Variants in LRP1B observed in about 807,000 individuals in gnomAD.
The protein encoded by LRP1B is low-density lipoprotein receptor-related protein 1B.
A neutral mutation model predicts 556.6 loss-of-function variants in LRP1B; 217 were observed. The ratio of observed to expected loss-of-function variants is 0.39; its 90% CI spans 0.35 to 0.44. The LOEUF (loss-of-function observed/expected upper bound fraction) is 0.44, where lower values mean the gene tolerates loss of function less well. LRP1B is among the 20% of genes least tolerant of loss of function. The probability of loss-of-function intolerance (pLI) is 1.00; values close to 1 mark genes in which losing one functional copy is unlikely to be tolerated. For missense variants in LRP1B, 5,053 were observed against 5,620.8 expected, an observed-to-expected ratio of 0.90 and a Z score of 3.23; for synonymous variants, 2,047 against 1,865.8, an observed-to-expected ratio of 1.10 and a Z score of -2.50.
chr2:141,386,494 A>G (rs1689839971), intron 3 of LRP1B, among the ~76,000 whole-genome samples: 1 of 152,114 alleles, frequency 6.6e-6, no homozygotes, highest in Admixed American at 6.6e-5. Flanking sequence ...ATATGCAAAG[A>G]CACACATAGC....
chr2:140,968,474 A>G (rs1338124720), intron 18 of LRP1B, among the ~76,000 whole-genome samples: 4 of 145,310 alleles, frequency 2.8e-5, no homozygotes, highest in Admixed American at 7.1e-5. Flanking sequence ...TTTTAAAAAA[A>G]CAACTCCTGG....
intron 2 of LRP1B, among the ~76,000 whole-genome samples, chr2:141,710,283 T>A (rs1053498016): frequency 1.3e-5 from 2 of 152,166 alleles, no homozygotes; most frequent in African/African-American, 2.4e-5. Flanking sequence ...TTTAAAAAAA[T>A]TTTCCTTCTA....
chr2:141,050,038 C>T (rs1698989496), intron 10 of LRP1B, among the ~76,000 whole-genome samples: 1 of 151,840 alleles, frequency 6.6e-6, no homozygotes, highest in Admixed American at 6.6e-5. Flanking sequence ...ACTTGGTTAA[C>T]TGTGTATAAT....
At chr2:141,211,815 G>A (rs973206443) in intron 6 of LRP1B, among the ~76,000 whole-genome samples, 7 of 152,070 alleles carry the variant, frequency 4.6e-5, no homozygotes, top group African/African-American at 1.2e-4. Context: ...CTGGAAACAC[G>A]TCCTCAGATC....
intron 42 of LRP1B, among the ~76,000 whole-genome samples, chr2:140,599,476 A>G (rs1438726507): frequency 2.6e-5 from 4 of 152,036 alleles, no homozygotes; most frequent in Non-Finnish European, 4.4e-5. Context: ...ATTCCCATGT[A>G]TAACCATTTA....
intron 84 of LRP1B, among the ~76,000 whole-genome samples, chr2:140,275,855 C>T (rs767529912): frequency 8.6e-5 from 13 of 151,776 alleles, no homozygotes; most frequent in Non-Finnish European, 1.5e-4. Context: ...TATTTCTATA[C>T]CCCTTGAACA....
intron 47 of LRP1B, among the ~76,000 whole-genome samples, chr2:140,530,831 A>C (rs1409290313): frequency 6.6e-6 from 1 of 152,158 alleles, no homozygotes; most frequent in East Asian, 1.9e-4. Flanking sequence ...GAGAAGCTTC[A>C]TTTGCAAAGG....
chr2:140,486,823 A>T (rs1166316000), intron 58 of LRP1B, among the ~76,000 whole-genome samples: 1 of 151,878 alleles, frequency 6.6e-6, no homozygotes, highest in Admixed American at 6.6e-5. Flanking sequence ...GCTACTTTAA[A>T]TCACTTGAAT....
chr2:140,688,392 T>G (rs186558880), intron 41 of LRP1B, among the ~76,000 whole-genome samples: 1 of 152,204 alleles, frequency 6.6e-6, no homozygotes, highest in East Asian at 1.9e-4. Context: ...ATAGATTGAT[T>G]TATAGCTCAT....
intron 2 of LRP1B, among the ~76,000 whole-genome samples, chr2:141,767,676 G>A (rs1694770716): frequency 6.6e-6 from 1 of 152,138 alleles, no homozygotes; most frequent in African/African-American, 2.4e-5. Context: ...ATAACAGTGT[G>A]AGTTCAATAT....
chr2:141,576,392 T>C (rs1426348336), intron 2 of LRP1B, among the ~76,000 whole-genome samples: 1 of 152,058 alleles, frequency 6.6e-6, no homozygotes, highest in Non-Finnish European at 1.5e-5. Context: ...AAGTGGGTGT[T>C]GAACATTGAG....
At chr2:141,757,399 A>G (rs1694361639) in intron 2 of LRP1B, among the ~76,000 whole-genome samples, 1 of 152,214 alleles carries the variant, frequency 6.6e-6, no homozygotes. Flanking sequence ...CTACTGAATC[A>G]GAATCTGCAT....
intron 7 of LRP1B, among the ~76,000 whole-genome samples, chr2:141,137,879 G>T (rs1221792774): frequency 6.6e-6 from 1 of 150,694 alleles, no homozygotes; most frequent in African/African-American, 2.4e-5. Context: ...GCCATGTTAT[G>T]GATTTTTTTT....
At chr2:140,518,830 G>A (rs575911466) in intron 49 of LRP1B, among the ~76,000 whole-genome samples, 1 of 152,228 alleles carries the variant, frequency 6.6e-6, no homozygotes, top group South Asian at 2.1e-4. Flanking sequence ...GAGATTTTGG[G>A]CTGAGACAAT....
intron 3 of LRP1B, among the ~76,000 whole-genome samples, chr2:141,399,796 A>G (rs2104922440): frequency 6.6e-6 from 1 of 152,316 alleles, no homozygotes; most frequent in Admixed American, 6.5e-5. Flanking sequence ...TAGAAACCAA[A>G]TTTGTCAAAT....
chr2:141,032,012 T>A (rs1698387274), intron 11 of LRP1B, among the ~76,000 whole-genome samples: 1 of 152,044 alleles, frequency 6.6e-6, no homozygotes, highest in African/African-American at 2.4e-5. Flanking sequence ...AGAATGTATA[T>A]CATGTTGTAC....
chr2:140,780,597 C>T (rs1445798464), intron 32 of LRP1B, among the ~76,000 whole-genome samples: 1 of 152,252 alleles, frequency 6.6e-6, no homozygotes, highest in East Asian at 1.9e-4. Flanking sequence ...CCCAATGGGT[C>T]TTGAGCAGAA....
At chr2:140,769,456 G>T in intron 34 of LRP1B, 112 bp from the exon 35 acceptor site, 1 of 1,092,000 alleles carries the variant, frequency 9.2e-7, no homozygotes, top group Non-Finnish European at 1.2e-6. Context: ...GTTAACAAAT[G>T]TATTTCCTGG....
intron 7 of LRP1B, among the ~76,000 whole-genome samples, chr2:141,075,034 G>A (rs989638832): frequency 6.6e-6 from 1 of 152,050 alleles, no homozygotes; most frequent in African/African-American, 2.4e-5. Flanking sequence ...ACAGAACTCG[G>A]ATGTATTCCG....
Sources: gnomAD v4.1 joint callset for allele counts (sites outside exome capture counted in the v4.1 genomes callset) on GRCh38, gnomAD v4.1.1 for gene constraint, MANE v1.5 for transcripts, NCBI Gene and HGNC (gene_info 2026-07-23, HGNC 2026-07-21) for gene names.